Variants in PCDHA1 observed in about 807,000 individuals in gnomAD.
The protein encoded by PCDHA1 is protocadherin alpha-1.
A neutral mutation model predicts 61.3 loss-of-function variants in PCDHA1; 42 were observed. The observed-to-expected ratio is 0.69, with a 90% CI of 0.54 to 0.89. PCDHA1 has a LOEUF of 0.89. PCDHA1 is among the 40% of genes least tolerant of loss of function. The pLI is 0.00. For missense variants in PCDHA1, 1,256 were observed against 1,235.3 expected (o/e 1.02, Z -0.25); for synonymous variants, 610 against 553.8 (o/e 1.10, Z -1.43).
At chr5:140,868,764 T>G (rs1202050223) in intron 1 of PCDHA1, 2 of 238,724 alleles carry the variant, frequency 8.4e-6, no homozygotes, top group Non-Finnish European at 1.6e-5. Flanking sequence ...ATATATTTAG[T>G]TTCAATATGA....
intron 3 of PCDHA1, among the ~76,000 whole-genome samples, chr5:140,985,651 T>A (rs1413086230): frequency 6.6e-6 from 1 of 151,992 alleles, no homozygotes; most frequent in Non-Finnish European, 1.5e-5. Context: ...ACACTTGCAA[T>A]GGCTGAATAA....
intron 1 of PCDHA1, chr5:140,806,925 C>A: frequency 1.9e-6 from 1 of 514,550 alleles, no homozygotes; most frequent in Non-Finnish European, 3.4e-6. Context: ...ATAAATAAAA[C>A]CAAGTAGTTT....
At chr5:140,844,051 C>T (rs1562419039) in intron 1 of PCDHA1, among the ~76,000 whole-genome samples, 1 of 149,544 alleles carries the variant, frequency 6.7e-6, no homozygotes, top group Non-Finnish European at 1.5e-5. Context: ...AGTATTCCCC[C>T]AAAGCGTTTA....
At chr5:140,948,620 TTAA>T (rs1422284059) in intron 1 of PCDHA1, among the ~76,000 whole-genome samples, 3 of 151,714 alleles carry the variant, frequency 2.0e-5, no homozygotes, top group Non-Finnish European at 4.4e-5. Context: ...CACAAAGTTG[TTAA>T]TAATATTCTC....
intron 1 of PCDHA1, chr5:140,927,342 T>C: frequency 6.2e-7 from 1 of 1,614,160 alleles, no homozygotes; most frequent in Non-Finnish European, 8.5e-7. Context: ...ATGCCCAAGA[T>C]GACGACGAGG....
chr5:140,977,630 C>T (rs2096769145), intron 1 of PCDHA1, among the ~76,000 whole-genome samples: 1 of 152,148 alleles, frequency 6.6e-6, no homozygotes, highest in African/African-American at 2.4e-5. Flanking sequence ...AGAGTTGTAA[C>T]TTTTTCTGGG....
intron 1 of PCDHA1, among the ~76,000 whole-genome samples, chr5:140,793,813 T>G (rs1761809233): frequency 6.6e-6 from 1 of 152,172 alleles, no homozygotes; most frequent in African/African-American, 2.4e-5. Flanking sequence ...AAAGTCTAAA[T>G]GTAATGGAAA....
intron 3 of PCDHA1, among the ~76,000 whole-genome samples, chr5:141,000,900 G>A (rs1020896392): frequency 6.6e-6 from 1 of 151,614 alleles, no homozygotes; most frequent in African/African-American, 2.4e-5. Flanking sequence ...AGATATAGAC[G>A]CTGTCTCTAA....
Position 140,787,738 on chromosome 5 carries a change from A to G in PCDHA1, c.1448A>G (p.Asp483Gly). 1 of 1,613,518 alleles carries G rather than the reference A, an allele frequency of 6.2e-7. No individual in the cohort carries two copies. The highest frequency in any genetic ancestry group is 1.8e-4 in the Middle Eastern group (1 of 5,714). Residue 483 changes from aspartate to glycine, a missense_variant, in exon 1 of 4, where the codon GAC becomes GGC. Transcript: ENST00000504120. ...HIFTVSARDA[D>G]AQENALVSYS... ...TTCACGGTGTCTGCGCGGGACGCGG[A>G]CGCGCAGGAGAACGCGCTGGTGTCC...
rs1554217734 is a variant in PCDHA1, at chr5:140,946,611, AATATATAT to A, written c.2395-32324_2395-32317del. Among the ~76,000 whole-genome samples, 24 of 86,806 alleles carry A rather than the reference AATATATAT, an allele frequency of 2.8e-4. 1 individual carries two copies. Among genetic ancestry groups the A allele is most frequent in the African/African-American group, 1.5e-3 (23 of 15,698 alleles). 56.9% of individuals were successfully genotyped at this position (86,806 alleles called of 152,430 possible). On this transcript the variant is annotated intron_variant, in intron 1 of 3. Coordinates refer to ENST00000504120, the MANE Select transcript of PCDHA1 (RefSeq NM_018900.4). ...GGATGAATAGATAAAGAAAATGTGA[AATATATAT>A]ATATATATATATACAATGGAATACT... is the stretch of plus-strand genomic sequence containing the variant.
rs2150116871 is a variant in PCDHA1, at chr5:140,822,504, A to G, written c.2394+33820A>G. On this transcript the variant is annotated intron_variant, in intron 1 of 3. Transcript: ENST00000504120. ...ATGATAACGCCCCAGAATTTGATAA[A>G]TCCATTTATAATGTCAGATTGTTGG... 4 of 1,613,934 alleles carry G rather than the reference A, an allele frequency of 2.5e-6. No individual in the cohort carries two copies. The South Asian group carries it at 4.4e-5, about 18-fold the overall frequency.
In PCDHA1 at chr5:140,871,299, G is replaced by T. The variant is rs782459625; in HGVS notation, c.2394+82615G>T. On this transcript the variant is annotated intron_variant, in intron 1 of 3. Coordinates refer to ENST00000504120, the MANE Select transcript of PCDHA1 (RefSeq NM_018900.4). The stretch of plus-strand genomic sequence containing the variant: ...CAACGCCCACTGAGGGCGCGTGCGC[G>T]CCGGGGAAGCCCACGCTGGTGTGCT... 1.5e-5 allele frequency: 24 copies of T among 1,613,798 alleles called. No homozygotes were observed. In the East Asian group the frequency reaches 5.3e-4, roughly 36 times the overall value.
rs1487823749 is a variant in PCDHA1 at position 140,803,102 on chromosome 5, T to C, written c.2394+14418T>C. ...ACACGGGAGAGATCAGCACGACCCG[T>C]GCCCTGGACGAGGTGGACGCCCCGC... On this transcript the variant is annotated intron_variant, in intron 1 of 3. Transcript: ENST00000504120. 1.9e-6 allele frequency: 3 copies of C among 1,613,738 alleles called. No individual in the cohort carries two copies. In the African/African-American group the frequency reaches 4.0e-5, roughly 22 times the overall value.
At chr5:140,863,088 CACG>C (rs782667679) in intron 1 of PCDHA1, 19 of 574,542 alleles carry the variant, frequency 3.3e-5, no homozygotes, top group Admixed American at 1.7e-4. Context: ...GCGAGATCAG[CACG>C]ACGAGTACCC....
chr5:140,872,791 G>A (rs549291235), intron 1 of PCDHA1, among the ~76,000 whole-genome samples: 1 of 152,194 alleles, frequency 6.6e-6, no homozygotes, highest in South Asian at 2.1e-4. Flanking sequence ...TATGCTAGTT[G>A]GCATTCTTCC....
intron 1 of PCDHA1, chr5:140,858,461 C>G: frequency 1.3e-6 from 2 of 1,524,640 alleles, no homozygotes; most frequent in Non-Finnish European, 1.8e-6. Flanking sequence ...TTTCATTTTC[C>G]TTTTGTGCTT....
chr5:140,813,106 A>T (rs1554126121), intron 1 of PCDHA1: 1 of 152,152 alleles, frequency 6.6e-6, no homozygotes, highest in Admixed American at 6.5e-5. Flanking sequence ...AGAAGACTGT[A>T]TATTTGCTGC....
At chr5:140,943,234 G>A (rs1161111493) in intron 1 of PCDHA1, among the ~76,000 whole-genome samples, 3 of 145,508 alleles carry the variant, frequency 2.1e-5, no homozygotes, top group Non-Finnish European at 4.5e-5. Context: ...CTCCAGCCTG[G>A]GTCACAGAGT....
chr5:140,786,490 C>A lies in PCDHA1; in HGVS notation c.200C>A (p.Ala67Glu), dbSNP rs782611073. Reference protein sequence around the residue: ...AELVPRLFRVASKTHRDLLEV... With the variant: ...AELVPRLFRVESKTHRDLLEV... The stretch of plus-strand genomic sequence containing the variant: ...CTGGTGCCTCGCCTGTTCCGGGTGG[C>A]GTCCAAAACACACAGGGACCTTCTG... Residue 67 changes from alanine (A) to glutamate (E), a missense_variant, in exon 1 of 4, where the codon GCG (alanine) becomes GAG (glutamate). Coordinates refer to ENST00000504120, the MANE Select transcript of PCDHA1 (RefSeq NM_018900.4). 8 of 1,613,656 alleles carry A rather than the reference C, an allele frequency of 5.0e-6. No individual in the cohort carries two copies. In the South Asian group the frequency reaches 8.8e-5, roughly 18 times the overall value.
Sources: gnomAD v4.1 joint callset for allele counts (sites outside exome capture counted in the v4.1 genomes callset) on GRCh38, gnomAD v4.1.1 for gene constraint, MANE v1.5 for transcripts, NCBI Gene and HGNC (gene_info 2026-07-23, HGNC 2026-07-21) for gene names.